The following TXNRD3 variants were observed in gnomAD, a reference collection of about 807,000 sequenced individuals.
TXNRD3 encodes TXNRD3 neighbor gene protein.
In TXNRD3, 68 loss-of-function variants were observed where a neutral mutation model predicts 78.2. The observed-to-expected ratio is 0.87, with a 90% confidence interval of 0.72 to 1.06. The LOEUF is 1.06. TXNRD3 is among the 50% of genes least tolerant of loss of function. The pLI is 0.00. For missense variants in TXNRD3, 751 were observed against 809.5 expected, an observed-to-expected ratio of 0.93 and a Z score of 0.88; for synonymous variants, 296 against 300.1, an observed-to-expected ratio of 0.99 and a Z score of 0.14.
At chr3:126,645,686 C>T (rs890549990) in intron 3 of TXNRD3, among the ~76,000 whole-genome samples, 27 of 152,148 alleles carry the variant, frequency 1.8e-4, no homozygotes, top group African/African-American at 6.5e-4. Context: ...ACAACTCCTG[C>T]TCATTTTTAG....
At chr3:126,637,934 T>C (rs201627195) in intron 6 of TXNRD3, among the ~76,000 whole-genome samples, 79 of 14,290 alleles carry the variant, frequency 5.5e-3, no homozygotes, top group East Asian at 0.026. Flanking sequence ...TTCTCTCTCT[T>C]TTTTTTTTTT....
intron 6 of TXNRD3, among the ~76,000 whole-genome samples, chr3:126,638,043 A>G (rs1449118583): frequency 2.8e-5 from 4 of 142,174 alleles, no homozygotes; most frequent in Admixed American, 2.3e-4. Flanking sequence ...TCCTGGGTTC[A>G]AGCGATTCTC....
chr3:126,654,904 G>T lies in TXNRD3; in HGVS notation c.87C>A (p.Arg29=). Residue 29 remains arginine, a synonymous_variant, in exon 1 of 16, where the codon CGC becomes CGA. Transcript: ENST00000524230. ...CACGGCGCCCCGGCGGCGACAACAC[G>T]CGCGCCCCTCGGACATGGCCCGAGC... The T allele has an allele frequency of 7.6e-7, 1 of 1,312,414 alleles. No individual in the cohort carries two copies. The highest frequency in any genetic ancestry group is 9.6e-7 in the Non-Finnish European group (1 of 1,039,256). 81.3% of individuals were successfully genotyped at this position (1,312,414 alleles called of 1,614,324 possible).
At chr3:126,654,500 G>A (rs548242867) in intron 1 of TXNRD3, among the ~76,000 whole-genome samples, 1 of 152,300 alleles carries the variant, frequency 6.6e-6, no homozygotes, top group South Asian at 2.1e-4. Context: ...TTTCACAAAC[G>A]GGGGAACTGA....
chr3:126,615,528 A>AT, intron 12 of TXNRD3, 66 bp from the exon 13 acceptor site: 1 of 754,922 alleles, frequency 1.3e-6, no homozygotes, highest in East Asian at 2.9e-5. Context: ...TATATTGCAT[A>AT]TATTTATATA....
intron 7 of TXNRD3, among the ~76,000 whole-genome samples, chr3:126,633,247 A>G (rs1384433741): frequency 6.6e-6 from 1 of 152,212 alleles, no homozygotes; most frequent in Non-Finnish European, 1.5e-5. Context: ...TGCTGAAAAT[A>G]AGCATTGAAG....
intron 10 of TXNRD3, chr3:126,625,156 C>CTTT (rs34368416): frequency 7.4e-5 from 11 of 148,568 alleles, no homozygotes; most frequent in Admixed American, 6.7e-5. Flanking sequence ...GCAGTATATT[C>CTTT]TTTTTTTTTT....
intron 10 of TXNRD3, among the ~76,000 whole-genome samples, chr3:126,627,424 C>T (rs904590950): frequency 2.6e-5 from 4 of 152,116 alleles, no homozygotes; most frequent in African/African-American, 7.2e-5. Context: ...AAGCACAGAG[C>T]GCTTTCTGGA....
intron 10 of TXNRD3, chr3:126,625,215 T>C (rs1938551395): frequency 6.6e-6 from 1 of 151,948 alleles, no homozygotes; most frequent in Admixed American, 6.6e-5. Context: ...GCAGGTTAGT[T>C]ACATATGTAT....
chr3:126,611,282 G>A (rs549894374), intron 13 of TXNRD3, 150 bp from the exon 14 acceptor site: 17 of 468,790 alleles, frequency 3.6e-5, no homozygotes, highest in Non-Finnish European at 5.8e-5. Context: ...TCTGTTGGGA[G>A]CCCCAGGGTC....
At chr3:126,608,430 C>T in intron 15 of TXNRD3, 69 bp downstream of exon 15, 1 of 1,403,632 alleles carries the variant, frequency 7.1e-7, no homozygotes, top group Non-Finnish European at 9.3e-7. Context: ...ATCTTTCTGA[C>T]AAGTGCTTTA....
At position 126,644,291 on chromosome 3, in the gene TXNRD3, T is replaced by G; in HGVS notation, c.519+6A>C. 2 of 1,534,572 alleles carry G rather than the reference T, an allele frequency of 1.3e-6. No homozygotes were observed. Among genetic ancestry groups the G allele is most frequent in the African/African-American group, 1.4e-5 (1 of 73,100 alleles). On this transcript the variant is annotated splice_donor_region_variant and intron_variant, in intron 4 of 15. Coordinates refer to ENST00000524230, the MANE Select transcript of TXNRD3 (RefSeq NM_052883.3). ...TTATCTACGAGTTTCATTTCTATAT[T>G]CATACCTTCGCACATGAAAGGCCTC... is the stretch of plus-strand genomic sequence containing the variant.
chr3:126,654,270 C>A (rs1933456730), intron 1 of TXNRD3, among the ~76,000 whole-genome samples: 1 of 152,166 alleles, frequency 6.6e-6, no homozygotes, highest in Non-Finnish European at 1.5e-5. Flanking sequence ...TATCATTTTT[C>A]AACTTTCTGT....
In TXNRD3 at chr3:126,631,772, A is replaced by G. The variant is rs1938719560; in HGVS notation, c.963T>C (p.Cys321=). The G allele has an allele frequency of 6.6e-7, 1 of 1,526,684 alleles. No individual in the cohort carries two copies. The highest frequency in any genetic ancestry group is 8.8e-7 in the Non-Finnish European group (1 of 1,138,334). 94.6% of individuals were successfully genotyped at this position (1,526,684 alleles called of 1,614,324 possible). The change falls in exon 8 of 16, where the codon TGT becomes TGC. Residue 321 remains cysteine, a synonymous_variant. Transcript: ENST00000524230. ...AGTCTATTTAACCTTACCTAGTAATACAGTATTCTTTATCTCCTTGGATTC... is the reference window on the plus strand; with the variant it reads ...AGTCTATTTAACCTTACCTAGTAATGCAGTATTCTTTATCTCCTTGGATTC...
At chr3:126,647,134 C>G (rs1933257407) in intron 2 of TXNRD3, 102 bp downstream of exon 2, 2 of 894,724 alleles carry the variant, frequency 2.2e-6, no homozygotes, top group Non-Finnish European at 3.2e-6. Flanking sequence ...CCTCATTTAA[C>G]CCGAAGACAA....
intron 10 of TXNRD3, 111 bp downstream of exon 10, chr3:126,629,268 G>T: frequency 1.2e-6 from 1 of 823,896 alleles, no homozygotes; most frequent in African/African-American, 1.7e-5. Flanking sequence ...CTCTTACAAA[G>T]AATAAAAAAA....
chr3:126,617,491 C>A (rs975624981), intron 12 of TXNRD3, among the ~76,000 whole-genome samples: 2 of 152,190 alleles, frequency 1.3e-5, no homozygotes, highest in South Asian at 4.1e-4. Flanking sequence ...AAGGCCTTGG[C>A]AGGTACCTGG....
chr3:126,640,293 G>C (rs1170589366), intron 6 of TXNRD3, among the ~76,000 whole-genome samples: 1 of 34,920 alleles, frequency 2.9e-5, no homozygotes. Flanking sequence ...TTTTTTAGTA[G>C]AGACGGGGTT....
Position 126,631,882 on chromosome 3 carries a change from T to C in TXNRD3, c.856-3A>G. ...TCCTGTCCTTTTTTATTGGTTGCCTTGAAAAAAGAGAAGTAAACCTCACTT... is the reference window on the plus strand; with the variant it reads ...TCCTGTCCTTTTTTATTGGTTGCCTCGAAAAAAGAGAAGTAAACCTCACTT... On this transcript the variant is annotated splice_polypyrimidine_tract_variant and splice_region_variant and intron_variant, in intron 7 of 15. Coordinates refer to ENST00000524230, the MANE Select transcript of TXNRD3 (RefSeq NM_052883.3). 1.3e-6 allele frequency: 2 copies of C among 1,531,476 alleles called. No individual in the cohort carries two copies. Among genetic ancestry groups the C allele is most frequent in the East Asian group, 2.4e-5 (1 of 40,878 alleles). 94.9% of individuals were successfully genotyped at this position (1,531,476 alleles called of 1,614,324 possible). A position where few individuals can be genotyped will look rare whatever the true frequency, so the allele number is the denominator to read the frequency against.
Sources: gnomAD v4.1 joint callset for allele counts (sites outside exome capture counted in the v4.1 genomes callset) on GRCh38, gnomAD v4.1.1 for gene constraint, MANE v1.5 for transcripts, NCBI Gene and HGNC (gene_info 2026-07-23, HGNC 2026-07-21) for gene names.